The following DIP2C variants were observed in gnomAD, a reference collection of about 807,000 sequenced individuals.
DIP2C encodes the protein disco-interacting protein 2 homolog C.
Under a neutral mutation model 192.4 loss-of-function variants are expected in DIP2C, and 33 were observed. That is an observed-to-expected ratio of 0.17 (90% CI 0.13 to 0.23). DIP2C has a LOEUF of 0.23. DIP2C is among the 10% of genes least tolerant of loss of function. The pLI is 1.00. For synonymous variants in DIP2C, 979 were observed against 864.1 expected (o/e 1.13, Z -2.33); for missense variants, 1,537 against 2,110.1 (o/e 0.73, Z 5.32).
rs565459138 is a variant in DIP2C at position 527,180 on chromosome 10, C to G, written c.86-40650G>C. Among the ~76,000 whole-genome samples the G allele has an allele frequency of 2.0e-3, 298 of 152,326 alleles. 1 individual carries two copies. Among genetic ancestry groups the G allele is most frequent in the Middle Eastern group, 0.01 (3 of 294 alleles). On this transcript the variant is annotated intron_variant, in intron 1 of 36. Coordinates refer to ENST00000280886, the MANE Select transcript of DIP2C (RefSeq NM_014974.3). The stretch of plus-strand genomic sequence containing the variant: ...AACTCAGCTCACAAAGGCCCCGTAC[C>G]GTGCGAAGTGCGGCAGTGGGTGCAT...
At chr10:519,885 A>G (rs1459644362) in intron 1 of DIP2C, among the ~76,000 whole-genome samples, 1 of 150,516 alleles carries the variant, frequency 6.6e-6, no homozygotes, top group East Asian at 2.0e-4. Context: ...TATGGCCACA[A>G]GGCTGCACAC....
intron 1 of DIP2C, among the ~76,000 whole-genome samples, chr10:621,242 A>G (rs1049425371): frequency 6.6e-6 from 1 of 151,168 alleles, no homozygotes; most frequent in Non-Finnish European, 1.5e-5. Context: ...GTACATGCTC[A>G]TCTGTGCCAA....
chr10:518,847 A>ACC (rs1432718229), intron 1 of DIP2C, among the ~76,000 whole-genome samples: 2 of 152,048 alleles, frequency 1.3e-5, no homozygotes, highest in Non-Finnish European at 2.9e-5. Flanking sequence ...CACAGATCCC[A>ACC]CCTCCAGCAG....
intron 3 of DIP2C, among the ~76,000 whole-genome samples, chr10:458,991 CAAAAAA>C (rs35681631): frequency 9.7e-6 from 1 of 102,734 alleles, no homozygotes. Context: ...TCAACTTTTT[CAAAAAA>C]AAAAAAAAAA....
At chr10:461,888 G>A (rs1264084658) in intron 3 of DIP2C, among the ~76,000 whole-genome samples, 1 of 152,142 alleles carries the variant, frequency 6.6e-6, no homozygotes, top group Non-Finnish European at 1.5e-5. Context: ...ACTCAAAACT[G>A]CACAAATACA....
chr10:463,173 G>A (rs1334211309), intron 3 of DIP2C, among the ~76,000 whole-genome samples: 1 of 152,154 alleles, frequency 6.6e-6, no homozygotes, highest in Non-Finnish European at 1.5e-5. Context: ...GAGAAAGAAA[G>A]AAAGGGTATT....
At chr10:402,061 C>A (rs1458356810) in intron 9 of DIP2C, among the ~76,000 whole-genome samples, 9 of 47,274 alleles carry the variant, frequency 1.9e-4, no homozygotes, top group African/African-American at 7.1e-4. Flanking sequence ...CACATGAATC[C>A]TGTGATTTTA....
intron 18 of DIP2C, among the ~76,000 whole-genome samples, chr10:367,388 G>T (rs1046530156): frequency 1.3e-5 from 2 of 150,516 alleles, no homozygotes; most frequent in Admixed American, 1.3e-4. Flanking sequence ...CTGCACTCCA[G>T]CCTGGGCGAC....
intron 1 of DIP2C, among the ~76,000 whole-genome samples, chr10:586,333 C>T (rs572667249): frequency 1.3e-5 from 2 of 152,318 alleles, no homozygotes; most frequent in African/African-American, 4.8e-5. Context: ...ATATCGGACA[C>T]ATGAAACCAG....
chr10:366,460 G>C, intron 18 of DIP2C, 49 bp from the exon 19 acceptor site: 1 of 1,611,204 alleles, frequency 6.2e-7, no homozygotes, highest in South Asian at 1.1e-5. Context: ...GGCAGGTGGG[G>C]AGAATAAAGG....
intron 31 of DIP2C, chr10:311,508 C>T (rs1483139888): frequency 4.1e-5 from 50 of 1,232,320 alleles, no homozygotes; most frequent in Non-Finnish European, 4.6e-5. Flanking sequence ...CAGGGAGGCA[C>T]GGGTGTGATG....
intron 1 of DIP2C, among the ~76,000 whole-genome samples, chr10:492,200 A>T (rs1293743569): frequency 6.6e-6 from 1 of 152,228 alleles, no homozygotes; most frequent in African/African-American, 2.4e-5. Context: ...CCCAGACAGC[A>T]GACAGAAGGG....
chr10:591,133 T>G (rs202053716), intron 1 of DIP2C, among the ~76,000 whole-genome samples: 1 of 136,840 alleles, frequency 7.3e-6, no homozygotes, highest in Non-Finnish European at 1.5e-5. Context: ...TTTTGTTTTG[T>G]TTTTTTTAGA....
intron 4 of DIP2C, among the ~76,000 whole-genome samples, chr10:431,434 C>T (rs770325798): frequency 1.3e-5 from 2 of 152,052 alleles, no homozygotes; most frequent in African/African-American, 2.4e-5. Flanking sequence ...TTGGGGAGTG[C>T]TACTGGAAAT....
intron 32 of DIP2C, among the ~76,000 whole-genome samples, chr10:303,200 C>G (rs1318657967): frequency 6.6e-6 from 1 of 151,966 alleles, no homozygotes; most frequent in African/African-American, 2.4e-5. Context: ...AGACATCATC[C>G]ACGTGCGGCT....
intron 1 of DIP2C, among the ~76,000 whole-genome samples, chr10:581,863 CAT>C (rs1381758936): frequency 1.1e-4 from 17 of 152,180 alleles, no homozygotes; most frequent in African/African-American, 3.1e-4. Flanking sequence ...CATCTTAGCA[CAT>C]GTTAGGCCAG....
At chr10:681,915 G>A (rs185052761) in intron 1 of DIP2C, among the ~76,000 whole-genome samples, 19 of 152,322 alleles carry the variant, frequency 1.2e-4, no homozygotes, top group Admixed American at 2.6e-4. Context: ...AACACTCACC[G>A]TGTATCTCCT....
At chr10:673,031 G>A (rs1457767618) in intron 1 of DIP2C, among the ~76,000 whole-genome samples, 6 of 152,224 alleles carry the variant, frequency 3.9e-5, no homozygotes, top group African/African-American at 1.4e-4. Context: ...AATGTGCAGT[G>A]TAAGCCTGTA....
At chr10:489,221 A>G (rs534540011) in intron 1 of DIP2C, among the ~76,000 whole-genome samples, 184 of 152,332 alleles carry the variant, frequency 1.2e-3, no homozygotes, top group Admixed American at 2.4e-3. Context: ...CTGCCTCAGC[A>G]TCTGGTAGAC....
Sources: gnomAD v4.1 joint callset for allele counts (sites outside exome capture counted in the v4.1 genomes callset) on GRCh38, gnomAD v4.1.1 for gene constraint, MANE v1.5 for transcripts, NCBI Gene and HGNC (gene_info 2026-07-23, HGNC 2026-07-21) for gene names.